The following DYNC2H1 variants were observed in gnomAD, a reference collection of about 807,000 sequenced individuals.
The protein encoded by DYNC2H1 is dynein cytoplasmic 2 heavy chain 1.
A neutral mutation model predicts 570.0 loss-of-function variants in DYNC2H1; 410 were observed. The ratio of observed to expected loss-of-function variants is 0.72; its 90% CI spans 0.66 to 0.78. The LOEUF is 0.78. Ranked by LOEUF, DYNC2H1 falls within the 30% of genes least tolerant of loss-of-function variation. DYNC2H1 has a pLI of 0.00. For synonymous variants in DYNC2H1, 1,688 were observed against 1,677.6 expected (o/e 1.01, Z -0.15); for missense variants, 4,865 against 5,046.4 (o/e 0.96, Z 1.09).
Position 103,165,918 on chromosome 11 carries a change from G to A in DYNC2H1, c.4632G>A (p.Gln1544=). 1 of 1,511,154 alleles carries A rather than the reference G, an allele frequency of 6.6e-7. No individual in the cohort carries two copies. The highest frequency in any genetic ancestry group is 8.8e-7 in the Non-Finnish European group (1 of 1,130,114). The allele number at this position is 1,511,154 out of a possible 1,614,324, so 93.6% of individuals were successfully genotyped here. Residue 1544 remains glutamine (Q), a synonymous_variant, in exon 31 of 89, where the codon CAG becomes CAA. Coordinates refer to ENST00000375735, the MANE Select transcript of DYNC2H1 (RefSeq NM_001377.3). ...FPSQILCLAE[Q]IKFTEDVENA... ...AATAGATTTTATGCTTGGCGGAGCA[G>A]ATTAAATTCACTGAAGATGTAGAAA...
At chr11:103,179,978 T>G (rs1422562799) in intron 39 of DYNC2H1, among the ~76,000 whole-genome samples, 1 of 151,740 alleles carries the variant, frequency 6.6e-6, no homozygotes, top group Non-Finnish European at 1.5e-5. Context: ...AGGTGTTGTA[T>G]GACATATGAC....
At chr11:103,113,477 A>AT (rs1858211853) in intron 1 of DYNC2H1, 60 bp from the exon 2 acceptor site, 1 of 1,347,816 alleles carries the variant, frequency 7.4e-7, no homozygotes. Flanking sequence ...AACTTTGTCT[A>AT]CATTTTTTTC....
intron 54 of DYNC2H1, among the ~76,000 whole-genome samples, chr11:103,214,850 G>A (rs1453401125): frequency 7.5e-6 from 1 of 133,768 alleles, no homozygotes; most frequent in Non-Finnish European, 1.6e-5. Context: ...GGTTTGCCTT[G>A]TAGAGGTCTT....
intron 84 of DYNC2H1, among the ~76,000 whole-genome samples, chr11:103,423,638 A>G (rs540545645): frequency 1.3e-5 from 2 of 152,068 alleles, no homozygotes; most frequent in South Asian, 4.1e-4. Context: ...AAAGACACTT[A>G]TAAAAATGAA....
Position 103,241,169 on chromosome 11 carries a change from G to A in DYNC2H1, c.9820-2524G>A, listed in dbSNP as rs7101568. 0.18 allele frequency among the ~76,000 whole-genome samples: 26,786 copies of A among 151,944 alleles called. 3,004 individuals carry two copies. The highest frequency in any genetic ancestry group is 0.32 in the African/African-American group (13,334 of 41,426). ...TCTTGATGATGAAATTTTTATTTTTGCATCTTTATTGCCTGTAAAGTTATT... is the reference window on the plus strand; with the variant it reads ...TCTTGATGATGAAATTTTTATTTTTACATCTTTATTGCCTGTAAAGTTATT... On this transcript the variant is annotated intron_variant, in intron 63 of 88. Transcript: ENST00000375735. This position sits in a 1 kb window ranked among gnomAD's most constrained non-coding sequence, Gnocchi z 5.1.
chr11:103,132,914 A>T (rs1301765647), intron 13 of DYNC2H1, among the ~76,000 whole-genome samples: 1 of 151,932 alleles, frequency 6.6e-6, no homozygotes, highest in Non-Finnish European at 1.5e-5. Flanking sequence ...TGGAGGGCAG[A>T]TTCACACCAC....
chr11:103,435,235 A>G (rs1390019353), intron 84 of DYNC2H1, among the ~76,000 whole-genome samples: 1 of 152,138 alleles, frequency 6.6e-6, no homozygotes, highest in Non-Finnish European at 1.5e-5. Context: ...GTAATCAGAC[A>G]GTGTTTGGGG....
rs1451277818 is a variant in DYNC2H1 at position 103,439,270 on chromosome 11, T to C, written c.12456+3238T>C. On this transcript the variant is annotated intron_variant, in intron 85 of 88. Transcript: ENST00000375735. The surrounding 1 kb of genome is among the most constrained non-coding windows in gnomAD (Gnocchi z 4.1). ...ACCAGATGAGGATGAGACGAAAGAA[T>C]GTATCAGACAGAAGGCAGACCAGAG... Among the ~76,000 whole-genome samples the C allele has an allele frequency of 6.6e-6, 1 of 152,070 alleles. No homozygotes were observed. Among genetic ancestry groups the C allele is most frequent in the Admixed American group, 6.6e-5 (1 of 15,238 alleles).
intron 49 of DYNC2H1, 29 bp from the exon 50 acceptor site, chr11:103,200,017 G>A (rs775958649): frequency 4.9e-6 from 7 of 1,436,590 alleles, no homozygotes; most frequent in South Asian, 1.2e-5. Flanking sequence ...TACTTAAAGG[G>A]CACTAAAAAA....
At chr11:103,216,363 C>T (rs1301861908) in intron 55 of DYNC2H1, among the ~76,000 whole-genome samples, 3 of 152,112 alleles carry the variant, frequency 2.0e-5, no homozygotes, top group Non-Finnish European at 4.4e-5. Flanking sequence ...TCCTTCTTTG[C>T]CCCAGTATTT....
rs1165400390 is a variant in DYNC2H1 at position 103,137,008 on chromosome 11, G to A, written c.2574+1060G>A. ...TGAGCATTTTTTCATGTGTTTTTTG[G>A]CTGCATAAATGTCTTCTTTTGAGAA... On this transcript the variant is annotated intron_variant, in intron 17 of 88. Transcript: ENST00000375735. 4.0e-5 allele frequency among the ~76,000 whole-genome samples: 6 copies of A among 150,842 alleles called. No individual in the cohort carries two copies. The East Asian group carries it at 1.2e-3, about 29-fold the overall frequency.
chr11:103,263,035 A>ATC lies in DYNC2H1; in HGVS notation c.10695+3058_10695+3059insTC, dbSNP rs1565442994. 1.5e-4 allele frequency among the ~76,000 whole-genome samples: 23 copies of ATC among 149,286 alleles called. 1 individual carries two copies. The highest frequency in any genetic ancestry group is 5.8e-4 in the African/African-American group (23 of 39,980). The stretch of plus-strand genomic sequence containing the variant: ...GCAAATGGAAAGCAAAAAAAAAAAA[A>ATC]AAAAAAAAAAAGCAGGGTTTGCAAT... On this transcript the variant is annotated intron_variant, in intron 70 of 88. Transcript: ENST00000375735.
chr11:103,286,512 G>A (rs1370947326), intron 74 of DYNC2H1, 126 bp downstream of exon 74: 4 of 1,150,706 alleles, frequency 3.5e-6, no homozygotes, highest in Non-Finnish European at 3.6e-6. Flanking sequence ...TTGGGGAAGG[G>A]CTTGATCCTT....
chr11:103,283,727 C>T (rs955213829), intron 73 of DYNC2H1, among the ~76,000 whole-genome samples: 7 of 152,058 alleles, frequency 4.6e-5, no homozygotes, highest in African/African-American at 1.4e-4. Context: ...TGTTTATGGT[C>T]ACTTAGGAAG....
intron 86 of DYNC2H1, among the ~76,000 whole-genome samples, chr11:103,455,519 G>C (rs1259589765): frequency 6.6e-6 from 1 of 152,110 alleles, no homozygotes; most frequent in Non-Finnish European, 1.5e-5. Flanking sequence ...AAGATAAAAT[G>C]TAACTTTTAT....
At chr11:103,372,800 T>C (rs1310824547) in intron 83 of DYNC2H1, among the ~76,000 whole-genome samples, 1 of 152,204 alleles carries the variant, frequency 6.6e-6, no homozygotes, top group Non-Finnish European at 1.5e-5. Flanking sequence ...TTTTTTGGAA[T>C]AGTTTGAAGA....
chr11:103,203,817 G>A lies in DYNC2H1; in HGVS notation c.8311+41G>A, dbSNP rs750398259. ...TTCATTAATCAAATCAAACTGGTTT[G>A]TATGAAATATATATCATTTAATTTG... On this transcript the variant is annotated intron_variant, in intron 51 of 88. Transcript: ENST00000375735. The surrounding 1 kb of genome is among the most constrained non-coding windows in gnomAD (Gnocchi z 4.7). The A allele has an allele frequency of 1.5e-6, 2 of 1,348,602 alleles. No homozygotes were observed. Among genetic ancestry groups the A allele is most frequent in the South Asian group, 1.3e-5 (1 of 78,382 alleles). The allele number at this position is 1,348,602 out of a possible 1,614,324, so 83.5% of individuals were successfully genotyped here.
chr11:103,189,168 T>G lies in DYNC2H1; in HGVS notation c.7293-504T>G, dbSNP rs1862196545. Among the ~76,000 whole-genome samples, 1 of 152,110 alleles carries G rather than the reference T, an allele frequency of 6.6e-6. No homozygotes were observed. The highest frequency in any genetic ancestry group is 1.5e-5 in the Non-Finnish European group (1 of 68,006). The stretch of plus-strand genomic sequence containing the variant: ...TACAAATATTGAATATTACAAAACC[T>G]TATTTGTATACTTTTGTGCTAATTG... On this transcript the variant is annotated intron_variant, in intron 44 of 88. Transcript: ENST00000375735. The surrounding 1 kb of genome is among the most constrained non-coding windows in gnomAD (Gnocchi z 4.3).
At chr11:103,281,287 G>A (rs1437368255) in intron 71 of DYNC2H1, among the ~76,000 whole-genome samples, 1 of 151,892 alleles carries the variant, frequency 6.6e-6, no homozygotes, top group African/African-American at 2.4e-5. Flanking sequence ...GTTTATTCCT[G>A]CTGTTAACTT....
Sources: allele counts gnomAD v4.1 joint callset (sites outside exome capture counted in the v4.1 genomes callset), GRCh38; gene constraint gnomAD v4.1.1; non-coding constraint Gnocchi (gnomAD v3.1); transcripts MANE v1.5; gene names NCBI Gene and HGNC (gene_info 2026-07-23, HGNC 2026-07-21).